Variants in BMPR1A observed in about 807,000 individuals in gnomAD.
The protein encoded by BMPR1A is bone morphogenetic protein receptor type 1A.
A neutral mutation model predicts 66.0 loss-of-function variants in BMPR1A; 7 were observed. The ratio of observed to expected loss-of-function variants is 0.11; its 90% confidence interval spans 0.06 to 0.20. The LOEUF is 0.20. Ranked by LOEUF, BMPR1A falls within the 10% of genes least tolerant of loss-of-function variation. BMPR1A has a pLI of 1.00. For synonymous variants in BMPR1A, 200 were observed against 229.7 expected (o/e 0.87, Z 1.17); for missense variants, 408 against 669.1 (o/e 0.61, Z 4.31).
In BMPR1A at chr10:86,906,746, A is replaced by AAAAC. The variant is rs1564720187; in HGVS notation, c.531-5491_531-5490insCAAA. ...CTCAAAAAAAAAAAAAAAAAAAAAA[A>AAAAC]AAAAAAAAAAAAAAAACACTTTGTC... On this transcript the variant is annotated intron_variant, in intron 7 of 12. Coordinates refer to ENST00000372037, the MANE Select transcript of BMPR1A (RefSeq NM_004329.3). Among the ~76,000 whole-genome samples, 11 of 34,502 alleles carry AAAAC rather than the reference A, an allele frequency of 3.2e-4. 3 individuals are homozygous for AAAAC. Among genetic ancestry groups the AAAAC allele is most frequent in the Non-Finnish European group, 4.8e-4 (11 of 22,864 alleles). The allele number at this position is 34,502 out of a possible 152,430, so 22.6% of individuals were successfully genotyped here. A position where few individuals can be genotyped will look rare whatever the true frequency, so the allele number is the denominator to read the frequency against.
intron 1 of BMPR1A, among the ~76,000 whole-genome samples, chr10:86,831,834 C>T (rs1589736927): frequency 6.6e-6 from 1 of 152,140 alleles, no homozygotes; most frequent in South Asian, 2.1e-4. Flanking sequence ...ATTTTACCTA[C>T]TTTTGGATTT....
Position 86,842,675 on chromosome 10 carries a change from A to G in BMPR1A, c.-153+3696A>G, listed in dbSNP as rs989610784. 1.7e-4 allele frequency among the ~76,000 whole-genome samples: 26 copies of G among 152,350 alleles called. 1 individual carries two copies. The highest frequency in any genetic ancestry group is 1.5e-3 in the Admixed American group (23 of 15,304). On this transcript the variant is annotated intron_variant, in intron 2 of 12. Coordinates refer to ENST00000372037, the MANE Select transcript of BMPR1A (RefSeq NM_004329.3). ...CAGTTTTCATGCTGCTGACAAAGAC[A>G]TACCCAAGACTGGGCAATTTGTAAA...
chr10:86,869,071 A>G (rs1054378816), intron 2 of BMPR1A, among the ~76,000 whole-genome samples: 3 of 152,186 alleles, frequency 2.0e-5, no homozygotes, highest in Non-Finnish European at 4.4e-5. Context: ...TCACTTTGCA[A>G]GATTAGATAT....
intron 1 of BMPR1A, among the ~76,000 whole-genome samples, chr10:86,790,043 C>T (rs1326850702): frequency 3.4e-5 from 5 of 148,746 alleles, no homozygotes; most frequent in Non-Finnish European, 6.0e-5. Flanking sequence ...GTAGTCCCAG[C>T]TACTCAAGAG....
In BMPR1A at chr10:86,925,561, A is replaced by G. The variant is rs1232872551; in HGVS notation, c.*1842A>G. The G allele has an allele frequency of 5.0e-6, 1 of 200,050 alleles. No homozygotes were observed. Among genetic ancestry groups the G allele is most frequent in the African/African-American group, 2.3e-5 (1 of 43,454 alleles). The allele number at this position is 200,050 out of a possible 1,614,324, so 12.4% of individuals were successfully genotyped here. Reference sequence around the variant, plus strand: ...TAAATTTGCATATGGATAATACCCAATAACTTGTTTTTTCAGAATTTTTCA... The same window carrying G: ...TAAATTTGCATATGGATAATACCCAGTAACTTGTTTTTTCAGAATTTTTCA... On this transcript the variant is annotated 3_prime_UTR_variant, in exon 13 of 13. Transcript: ENST00000372037.
intron 1 of BMPR1A, among the ~76,000 whole-genome samples, chr10:86,763,949 C>G (rs916602280): frequency 2.0e-5 from 3 of 152,092 alleles, no homozygotes; most frequent in Non-Finnish European, 4.4e-5. Context: ...CGCCACCACG[C>G]CTAGCTAATT....
intron 1 of BMPR1A, among the ~76,000 whole-genome samples, chr10:86,808,848 C>G (rs1306071733): frequency 2.0e-5 from 3 of 152,166 alleles, no homozygotes; most frequent in African/African-American, 7.2e-5. Flanking sequence ...ACCTGCTACC[C>G]AAATCAGGAT....
At chr10:86,797,423 G>A (rs962808567) in intron 1 of BMPR1A, among the ~76,000 whole-genome samples, 1 of 151,900 alleles carries the variant, frequency 6.6e-6, no homozygotes, top group Non-Finnish European at 1.5e-5. Flanking sequence ...GTAGAGATGG[G>A]GTTTCGCAGT....
chr10:86,805,646 AGAG>A (rs1841879851), intron 1 of BMPR1A, among the ~76,000 whole-genome samples: 1 of 151,866 alleles, frequency 6.6e-6, no homozygotes, highest in African/African-American at 2.4e-5. Context: ...TATTTTTAGT[AGAG>A]ACGGGGTTTT....
chr10:86,866,766 G>A (rs1378345879), intron 2 of BMPR1A, among the ~76,000 whole-genome samples: 4 of 151,050 alleles, frequency 2.6e-5, no homozygotes, highest in African/African-American at 9.8e-5. Context: ...CCAGTTTCCT[G>A]TTTAACATAT....
intron 1 of BMPR1A, among the ~76,000 whole-genome samples, chr10:86,763,495 C>T (rs1841107449): frequency 6.6e-6 from 1 of 152,074 alleles, no homozygotes; most frequent in Admixed American, 6.6e-5. Context: ...AAGAAAATAT[C>T]TTGACTTGCA....
chr10:86,766,197 G>T lies in BMPR1A; in HGVS notation c.-268+9278G>T, dbSNP rs117240448. Among the ~76,000 whole-genome samples the T allele has an allele frequency of 0.012, 1,766 of 152,108 alleles. 16 individuals are homozygous for T. The highest frequency in any genetic ancestry group is 0.019 in the Non-Finnish European group (1,272 of 67,986). On this transcript the variant is annotated intron_variant, in intron 1 of 12. Coordinates refer to ENST00000372037, the MANE Select transcript of BMPR1A (RefSeq NM_004329.3). ...TGTGGAGGTGGGATCTCACCATGAT[G>T]CCTAGGCTGGTCTCGAACTCCTGGG...
At chr10:86,865,948 G>A (rs1179241747) in intron 2 of BMPR1A, among the ~76,000 whole-genome samples, 1 of 152,224 alleles carries the variant, frequency 6.6e-6, no homozygotes, top group African/African-American at 2.4e-5. Context: ...AGGCACCACT[G>A]GGCCTAAAAG....
chr10:86,838,142 T>C (rs1433163677), intron 1 of BMPR1A, among the ~76,000 whole-genome samples: 2 of 152,208 alleles, frequency 1.3e-5, no homozygotes, highest in Non-Finnish European at 2.9e-5. Context: ...AATTTTTTTA[T>C]GACTTGAACC....
chr10:86,853,749 G>A (rs1206642543), intron 2 of BMPR1A, among the ~76,000 whole-genome samples: 1 of 152,188 alleles, frequency 6.6e-6, no homozygotes, highest in African/African-American at 2.4e-5. Flanking sequence ...ATTTTCAAAA[G>A]GGGAGGGAGT....
intron 1 of BMPR1A, among the ~76,000 whole-genome samples, chr10:86,764,084 T>C (rs991341414): frequency 6.6e-6 from 1 of 152,152 alleles, no homozygotes; most frequent in Non-Finnish European, 1.5e-5. Flanking sequence ...AGCCACCACA[T>C]CTGGCTGACT....
At chr10:86,868,820 G>A (rs985072983) in intron 2 of BMPR1A, among the ~76,000 whole-genome samples, 1 of 145,194 alleles carries the variant, frequency 6.9e-6, no homozygotes, top group East Asian at 2.0e-4. Context: ...TGGTTCAGTT[G>A]TCTTGCTGTT....
intron 1 of BMPR1A, among the ~76,000 whole-genome samples, chr10:86,796,009 A>G (rs1206813013): frequency 6.6e-6 from 1 of 152,194 alleles, no homozygotes; most frequent in Non-Finnish European, 1.5e-5. Context: ...AGTGGTAAAA[A>G]GTCCCCAAAG....
intron 3 of BMPR1A, among the ~76,000 whole-genome samples, chr10:86,884,394 ATTTTTTTTTTTTTTTTTTTT>A (rs759424209): frequency 0.011 from 558 of 49,344 alleles, 6 homozygotes; most frequent in African/African-American, 0.029. Flanking sequence ...CAAACACATG[ATTTTTTTTTTTTTTTTTTTT>A]TTTTTTTTTT....
Sources: allele counts gnomAD v4.1 joint callset (sites outside exome capture counted in the v4.1 genomes callset), GRCh38; gene constraint gnomAD v4.1.1; transcripts MANE v1.5; gene names NCBI Gene and HGNC (gene_info 2026-07-23, HGNC 2026-07-21).